AMMECR1: variants seen among roughly 807,000 people sequenced by gnomAD.
AMMECR1 encodes the protein AMMECR nuclear protein 1.
A neutral mutation model predicts 22.5 loss-of-function variants in AMMECR1; 3 were observed. That is an observed-to-expected ratio of 0.13 (90% CI 0.06 to 0.35). AMMECR1 has a LOEUF of 0.35. Among genes scored for constraint, AMMECR1 ranks in the 10% least tolerant of loss-of-function variants. AMMECR1 has a pLI of 1.00. For missense variants in AMMECR1, 235 were observed against 278.7 expected (o/e 0.84, Z 1.12); for synonymous variants, 130 against 116.7 (o/e 1.11, Z -0.74).
chrX:110,201,443 C>A (rs1039153275), intron 4 of AMMECR1, among the ~76,000 whole-genome samples: 4 of 111,678 alleles, frequency 3.6e-5, no homozygotes, highest in African/African-American at 1.3e-4. Context: ...ATTTAGGACT[C>A]CCACACCACC....
intron 3 of AMMECR1, among the ~76,000 whole-genome samples, chrX:110,214,700 ATGTT>A (rs902150775): frequency 1.8e-5 from 2 of 111,631 alleles, no homozygotes; most frequent in Non-Finnish European, 3.8e-5. Context: ...TAGTATGTTC[ATGTT>A]TGTGACACAC....
intron 1 of AMMECR1, among the ~76,000 whole-genome samples, chrX:110,287,339 T>C (rs1470985138): frequency 1.8e-5 from 2 of 112,340 alleles, no homozygotes; most frequent in Non-Finnish European, 3.8e-5. Context: ...CCAGACCTAG[T>C]TGACAAAAAC....
intron 1 of AMMECR1, among the ~76,000 whole-genome samples, chrX:110,284,040 C>T (rs2067866330): frequency 9.0e-6 from 1 of 111,154 alleles, no homozygotes; most frequent in Non-Finnish European, 1.9e-5. Context: ...GAGAATCAAT[C>T]GCATGAACCC....
At chrX:110,204,963 T>C (rs1050034327) in intron 3 of AMMECR1, among the ~76,000 whole-genome samples, 1 of 111,975 alleles carries the variant, frequency 8.9e-6, no homozygotes, top group African/African-American at 3.2e-5. Flanking sequence ...CTCTGAACAA[T>C]TGAAAGCCCC....
intron 2 of AMMECR1, among the ~76,000 whole-genome samples, chrX:110,399,118 A>G (rs956633625): frequency 5.4e-5 from 6 of 112,148 alleles, no homozygotes; most frequent in Non-Finnish European, 1.1e-4. Context: ...TCTGGTTTAC[A>G]ATGGACTCAC....
intron 2 of AMMECR1, among the ~76,000 whole-genome samples, chrX:110,222,209 A>G (rs6655127): frequency 0.031 from 2,584 of 83,228 alleles, 123 homozygotes; most frequent in African/African-American, 0.11. Context: ...ATGTCCAACA[A>G]TGATAGACTG....
chrX:110,393,067 C>T (rs1344862931), intron 2 of AMMECR1, among the ~76,000 whole-genome samples: 2 of 111,609 alleles, frequency 1.8e-5, no homozygotes, highest in Non-Finnish European at 1.9e-5. Context: ...GCACAATTTG[C>T]ACATTGTCCC....
chrX:110,250,608 C>T (rs2067681937), intron 2 of AMMECR1, among the ~76,000 whole-genome samples: 1 of 112,169 alleles, frequency 8.9e-6, no homozygotes, highest in Non-Finnish European at 1.9e-5. Flanking sequence ...GAATAAAGTG[C>T]TAATTGCAGG....
At chrX:110,415,939 AT>A (rs1329563865) in intron 2 of AMMECR1, among the ~76,000 whole-genome samples, 1 of 108,861 alleles carries the variant, frequency 9.2e-6, no homozygotes, top group African/African-American at 3.4e-5. Context: ...AAATGATGAA[AT>A]TGTTCCCTTT....
intron 2 of AMMECR1, among the ~76,000 whole-genome samples, chrX:110,408,705 A>G (rs2068620252): frequency 8.9e-6 from 1 of 112,246 alleles, no homozygotes; most frequent in African/African-American, 3.2e-5. Context: ...TAATCAATAT[A>G]ACATATCAGT....
At position 110,388,591 on chromosome X, in the gene AMMECR1, T is replaced by A. The variant is rs183502816; in HGVS notation, c.-148+38067A>T. 1.8e-4 allele frequency among the ~76,000 whole-genome samples: 20 copies of A among 112,301 alleles called. 1 individual carries two copies. Among genetic ancestry groups the A allele is most frequent in the Admixed American group, 1.4e-3 (15 of 10,666 alleles). On this transcript the variant is annotated intron_variant, in intron 2 of 7. Transcript: ENST00000372057. Reference sequence around the variant, plus strand: ...GGAAAAGTTATTTAAAGCCTTGCCTTAGATCAGTGGTTCTCAGGCGTGAGG... The same window carrying A: ...GGAAAAGTTATTTAAAGCCTTGCCTAAGATCAGTGGTTCTCAGGCGTGAGG...
rs762757201 is a variant in AMMECR1, at chrX:110,196,037, G to C, written c.*2483C>G. The stretch of plus-strand genomic sequence containing the variant: ...AGGATGGTTATTTCTTCAGTTTAAC[G>C]TTATTACACTGCTAAGAAAATCTGT... On this transcript the variant is annotated 3_prime_UTR_variant, in exon 6 of 6. Coordinates refer to ENST00000262844, the MANE Select transcript of AMMECR1 (RefSeq NM_015365.3). The C allele has an allele frequency of 8.9e-6, 1 of 111,918 alleles. No individual in the cohort carries two copies. The highest frequency in any genetic ancestry group is 3.3e-5 in the African/African-American group (1 of 30,741). 9.2% of individuals were successfully genotyped at this position (111,918 alleles called of 1,213,427 possible). A position where few individuals can be genotyped will look rare whatever the true frequency, so the allele number is the denominator to read the frequency against.
chrX:110,230,876 G>A (rs889295468), intron 2 of AMMECR1, among the ~76,000 whole-genome samples: 4 of 111,947 alleles, frequency 3.6e-5, no homozygotes, highest in African/African-American at 1.3e-4. Flanking sequence ...CGAGAACTTC[G>A]TGACACATGC....
intron 1 of AMMECR1, among the ~76,000 whole-genome samples, chrX:110,281,673 A>G (rs2067853230): frequency 8.9e-6 from 1 of 112,357 alleles, no homozygotes; most frequent in Admixed American, 9.5e-5. Context: ...TAGAAACTGC[A>G]CAGGGATGTC....
rs2067381798 is a variant in AMMECR1 at position 110,198,515 on chromosome X, C to T, written c.*5G>A. 1 of 1,152,082 alleles carries T rather than the reference C, an allele frequency of 8.7e-7. No homozygotes were observed. Among genetic ancestry groups the T allele is most frequent in the Non-Finnish European group, 1.2e-6 (1 of 857,601 alleles). 94.9% of individuals were successfully genotyped at this position (1,152,082 alleles called of 1,213,427 possible). A position where few individuals can be genotyped will look rare whatever the true frequency, so the allele number is the denominator to read the frequency against. ...AGGCCCAGTGACTGGTTGTGCGGCT[C>T]AGTGTCAGGAATAATGGTTGTATGG... On this transcript the variant is annotated 3_prime_UTR_variant, in exon 6 of 6. Transcript: ENST00000262844.
intron 2 of AMMECR1, among the ~76,000 whole-genome samples, chrX:110,232,808 T>A (rs1171109465): frequency 1.0e-5 from 1 of 97,640 alleles, no homozygotes; most frequent in Non-Finnish European, 2.0e-5. Flanking sequence ...GAGAATGGCG[T>A]GAACCCGGGA....
At chrX:110,378,744 C>A (rs778342589) in intron 2 of AMMECR1, among the ~76,000 whole-genome samples, 23 of 111,898 alleles carry the variant, frequency 2.1e-4, no homozygotes, top group African/African-American at 6.8e-4. Flanking sequence ...CACATGCCAC[C>A]AATTTCATTT....
At chrX:110,376,475 G>A (rs1049873521) in intron 2 of AMMECR1, among the ~76,000 whole-genome samples, 21 of 111,662 alleles carry the variant, frequency 1.9e-4, no homozygotes, top group African/African-American at 6.5e-4. Flanking sequence ...AGTTAAGGGA[G>A]CATCCCAAGG....
intron 2 of AMMECR1, among the ~76,000 whole-genome samples, chrX:110,339,225 T>C (rs144182714): frequency 3.8e-3 from 416 of 110,927 alleles, no homozygotes; most frequent in Middle Eastern, 9.4e-3. Flanking sequence ...TCACCTGATA[T>C]TGAGAAACAA....
Sources: allele counts gnomAD v4.1 joint callset (sites outside exome capture counted in the v4.1 genomes callset), GRCh38; gene constraint gnomAD v4.1.1; transcripts MANE v1.5; gene names NCBI Gene and HGNC (gene_info 2026-07-23, HGNC 2026-07-21).